RALYL: variants seen among roughly 807,000 people sequenced by gnomAD.
RALYL encodes RNA-binding Raly-like protein.
In RALYL, 29 loss-of-function variants were observed where a neutral mutation model predicts 35.1. The ratio of observed to expected loss-of-function variants is 0.83; its 90% CI spans 0.61 to 1.13. The LOEUF is 1.13. RALYL is among the 50% of genes most tolerant of loss of function. The pLI, the probability that RALYL is intolerant of heterozygous loss-of-function variation, is 0.00. For missense variants in RALYL, 359 were observed against 360.4 expected, an observed-to-expected ratio of 1.00 and a Z score of 0.03; for synonymous variants, 120 against 127.6, an observed-to-expected ratio of 0.94 and a Z score of 0.40.
At chr8:84,743,467 G>A (rs892893912) in intron 2 of RALYL, among the ~76,000 whole-genome samples, 2 of 151,894 alleles carry the variant, frequency 1.3e-5, no homozygotes, top group Non-Finnish European at 2.9e-5. Context: ...TTATGGAGAC[G>A]CTGTCAATTT....
chr8:84,402,175 G>C (rs567395558), intron 1 of RALYL, among the ~76,000 whole-genome samples: 52 of 152,088 alleles, frequency 3.4e-4, no homozygotes, highest in African/African-American at 1.2e-3. Flanking sequence ...TTAAATTATT[G>C]TTCCTACAGA....
rs1400110843 is a variant in RALYL at position 84,314,828 on chromosome 8, G to A, written c.-24+130404G>A. 5.9e-5 allele frequency among the ~76,000 whole-genome samples: 9 copies of A among 152,260 alleles called. 1 individual carries two copies. Among genetic ancestry groups the A allele is most frequent in the Non-Finnish European group, 1.3e-4 (9 of 68,026 alleles). Reference sequence around the variant, plus strand: ...TATTTTCTTAAGATATTTATAAAGAGCTTTTGAAAAATATAAATTGATATG... The same window carrying A: ...TATTTTCTTAAGATATTTATAAAGAACTTTTGAAAAATATAAATTGATATG... On this transcript the variant is annotated intron_variant, in intron 1 of 8. Transcript: ENST00000521268.
chr8:84,392,579 A>C (rs1433303229), intron 1 of RALYL, among the ~76,000 whole-genome samples: 1 of 152,060 alleles, frequency 6.6e-6, no homozygotes, highest in South Asian at 2.1e-4. Context: ...CTATAGTGAG[A>C]GAAAGCTGAT....
intron 2 of RALYL, among the ~76,000 whole-genome samples, chr8:84,621,086 G>A (rs1239814240): frequency 2.0e-5 from 3 of 152,210 alleles, no homozygotes; most frequent in Non-Finnish European, 4.4e-5. Context: ...TACAGAGGCA[G>A]GCAGGCCTCC....
chr8:84,322,537 C>T (rs1460132633), intron 1 of RALYL, among the ~76,000 whole-genome samples: 1 of 152,040 alleles, frequency 6.6e-6, no homozygotes, highest in Non-Finnish European at 1.5e-5. Flanking sequence ...GAAACTGAGA[C>T]TCGAAGAATA....
rs538780587 is a variant in RALYL at position 84,312,834 on chromosome 8, T to A, written c.-24+128410T>A. The stretch of plus-strand genomic sequence containing the variant: ...TGTCAGAGGATCTACCATTCTGGGG[T>A]CTGGAGGACAGTGGCCCTTTTCTCA... On this transcript the variant is annotated intron_variant, in intron 1 of 8. Coordinates refer to ENST00000521268, the MANE Select transcript of RALYL (RefSeq NM_173848.7). Among the ~76,000 whole-genome samples the A allele has an allele frequency of 1.3e-4, 20 of 152,282 alleles. No homozygotes were observed. The South Asian group carries it at 1.9e-3, about 14-fold the overall frequency.
At chr8:84,588,296 T>C (rs1252205) in intron 2 of RALYL, among the ~76,000 whole-genome samples, 44,879 of 152,038 alleles carry the variant, frequency 0.3, 7,393 homozygotes, top group African/African-American at 0.45. Context: ...AACACCTTTC[T>C]TTATGCCATG....
intron 1 of RALYL, among the ~76,000 whole-genome samples, chr8:84,527,102 A>G (rs1175052316): frequency 3.3e-5 from 5 of 152,228 alleles, no homozygotes; most frequent in African/African-American, 4.8e-5. Flanking sequence ...ATACTACAAC[A>G]AAACTTACTC....
intron 8 of RALYL, among the ~76,000 whole-genome samples, chr8:84,892,087 C>A (rs190932733): frequency 8.7e-4 from 132 of 152,162 alleles, no homozygotes; most frequent in African/African-American, 2.8e-3. Context: ...TGGTGAGAAG[C>A]CAAAGATATG....
chr8:84,413,345 G>A (rs116007500), intron 1 of RALYL, among the ~76,000 whole-genome samples: 4,446 of 150,568 alleles, frequency 0.03, 218 homozygotes, highest in African/African-American at 0.1. Flanking sequence ...ATTTTTATTT[G>A]GAAACATTTT....
rs143384778 is a variant in RALYL, at chr8:84,225,357, C to T, written c.-24+40933C>T. 1.2e-3 allele frequency among the ~76,000 whole-genome samples: 179 copies of T among 152,252 alleles called. 1 individual carries two copies. Among genetic ancestry groups the T allele is most frequent in the African/African-American group, 3.9e-3 (162 of 41,558 alleles). On this transcript the variant is annotated intron_variant, in intron 1 of 8. Transcript: ENST00000521268. ...GCAGTTAGAAGTCATCCTTCCAAAACGCAAATCAGATCATGTCACAAGCTG... is the reference window on the plus strand; with the variant it reads ...GCAGTTAGAAGTCATCCTTCCAAAATGCAAATCAGATCATGTCACAAGCTG...
chr8:84,285,624 G>A (rs899377625), intron 1 of RALYL, among the ~76,000 whole-genome samples: 26 of 152,142 alleles, frequency 1.7e-4, no homozygotes, highest in Non-Finnish European at 2.5e-4. Flanking sequence ...AGGTTTGGAG[G>A]AGGTGAGAGA....
At chr8:84,385,770 T>C (rs1859063817) in intron 1 of RALYL, among the ~76,000 whole-genome samples, 1 of 151,848 alleles carries the variant, frequency 6.6e-6, no homozygotes. Flanking sequence ...TTATGCACAA[T>C]TCAGGCATCT....
chr8:84,463,195 T>C (rs2051023378), intron 1 of RALYL, among the ~76,000 whole-genome samples: 1 of 151,990 alleles, frequency 6.6e-6, no homozygotes, highest in Non-Finnish European at 1.5e-5. Flanking sequence ...ATTTCACTTG[T>C]CTATGCTCCT....
At chr8:84,691,804 T>C (rs1306455312) in intron 2 of RALYL, among the ~76,000 whole-genome samples, 5 of 152,048 alleles carry the variant, frequency 3.3e-5, no homozygotes, top group Non-Finnish European at 5.9e-5. Flanking sequence ...TGAGAAAATA[T>C]AGTCCAACTT....
intron 4 of RALYL, among the ~76,000 whole-genome samples, chr8:84,809,331 C>T (rs550234802): frequency 1.3e-5 from 2 of 152,240 alleles, no homozygotes; most frequent in African/African-American, 4.8e-5. Context: ...TGGTATGAAA[C>T]TTACTTGATC....
At chr8:84,549,422 C>T (rs2060572927) in intron 2 of RALYL, among the ~76,000 whole-genome samples, 1 of 152,058 alleles carries the variant, frequency 6.6e-6, no homozygotes, top group South Asian at 2.1e-4. Context: ...TTTTTGATGA[C>T]ATAGCTCTAA....
chr8:84,804,771 C>A lies in RALYL; in HGVS notation c.334C>A (p.Leu112Ile). The A allele has an allele frequency of 1.7e-6, 2 of 1,169,138 alleles. No individual in the cohort carries two copies. The highest frequency in any genetic ancestry group is 6.7e-5 in the East Asian group (2 of 29,924). 72.4% of individuals were successfully genotyped at this position (1,169,138 alleles called of 1,614,324 possible). ...NKRPLSALYRLESKEPFLSVG... is the reference protein window; with the variant it reads ...NKRPLSALYRIESKEPFLSVG... ...GAAAATTTTCATATTTTTTCATAGA[C>A]TTGAATCAAAGGAACCTTTCCTGTC... The change falls in exon 4 of 9, where the codon CTT becomes ATT. Residue 112 changes from leucine (L) to isoleucine (I), a missense_variant and splice_region_variant. Physicochemically the swap from Leu to Ile is conservative, Grantham distance 5. Coordinates refer to ENST00000521268, the MANE Select transcript of RALYL (RefSeq NM_173848.7).
intron 2 of RALYL, among the ~76,000 whole-genome samples, chr8:84,625,236 T>C (rs1329345986): frequency 1.3e-5 from 2 of 152,154 alleles, no homozygotes; most frequent in Non-Finnish European, 1.5e-5. Context: ...TGGGGCTAAT[T>C]GGGATGATGG....
Sources: gnomAD v4.1 joint callset for allele counts (sites outside exome capture counted in the v4.1 genomes callset) on GRCh38, gnomAD v4.1.1 for gene constraint, MANE v1.5 for transcripts, NCBI Gene and HGNC (gene_info 2026-07-23, HGNC 2026-07-21) for gene names.